The following PCSK6 variants were observed in gnomAD, a reference collection of about 807,000 sequenced individuals.
PCSK6 encodes paired basic amino acid cleaving enzyme 4.
A neutral mutation model predicts 123.3 loss-of-function variants in PCSK6; 85 were observed. That is an observed-to-expected ratio of 0.69 (90% CI 0.58 to 0.83). The LOEUF is 0.83. Ranked by LOEUF, PCSK6 falls within the 40% of genes least tolerant of loss-of-function variation. The pLI is 0.00. For synonymous variants in PCSK6, 508 were observed against 516.0 expected (o/e 0.98, Z 0.21); for missense variants, 1,191 against 1,282.3 (o/e 0.93, Z 1.09).
chr15:101,332,194 GC>G (rs2040385852), intron 13 of PCSK6, among the ~76,000 whole-genome samples, 163 bp from the exon 14 acceptor site: 1 of 152,184 alleles, frequency 6.6e-6, no homozygotes, highest in South Asian at 2.1e-4. Context: ...TATTGCCCAG[GC>G]CACATGCTGC....
chr15:101,367,290 C>G (rs1176491347), intron 12 of PCSK6, among the ~76,000 whole-genome samples: 1 of 152,174 alleles, frequency 6.6e-6, no homozygotes, highest in Non-Finnish European at 1.5e-5. Flanking sequence ...AGGTTTTTTC[C>G]TCTTATTCTT....
chr15:101,374,042 T>C (rs1044028754), intron 11 of PCSK6, among the ~76,000 whole-genome samples: 1 of 152,202 alleles, frequency 6.6e-6, no homozygotes, highest in African/African-American at 2.4e-5. Context: ...AAAACCTGCC[T>C]GGAGACCGTG....
At chr15:101,318,227 G>A (rs1263904339) in intron 19 of PCSK6, 92 bp downstream of exon 19, 1 of 875,294 alleles carries the variant, frequency 1.1e-6, no homozygotes, top group East Asian at 2.7e-5. Context: ...AAATGCAGAA[G>A]CCCACGAAGT....
intron 13 of PCSK6, among the ~76,000 whole-genome samples, chr15:101,362,236 A>T (rs147811676): frequency 6.6e-6 from 1 of 152,174 alleles, no homozygotes. Flanking sequence ...AATTACAGGC[A>T]TGAGCCACCA....
chr15:101,446,601 G>A (rs7402924), intron 1 of PCSK6, among the ~76,000 whole-genome samples: 51,887 of 152,068 alleles, frequency 0.34, 9,707 homozygotes, highest in African/African-American at 0.5. Flanking sequence ...AGAGCTGAGT[G>A]GTTGCAACAG....
At chr15:101,409,252 T>C (rs2042867953) in intron 6 of PCSK6, among the ~76,000 whole-genome samples, 2 of 151,768 alleles carry the variant, frequency 1.3e-5, no homozygotes, top group Non-Finnish European at 1.5e-5. Context: ...GGTCAGGAGA[T>C]CGAGACCATC....
At chr15:101,370,048 C>T (rs368287509) in intron 12 of PCSK6, among the ~76,000 whole-genome samples, 78 of 152,188 alleles carry the variant, frequency 5.1e-4, no homozygotes, top group African/African-American at 1.8e-3. Context: ...CAAATCCCTC[C>T]GCTAAACAAC....
chr15:101,446,738 C>CA (rs1242562163), intron 1 of PCSK6, among the ~76,000 whole-genome samples: 2 of 152,214 alleles, frequency 1.3e-5, no homozygotes, highest in Admixed American at 1.3e-4. Context: ...TCTCTGATGT[C>CA]AAGCAAGGGT....
At chr15:101,449,878 C>G (rs2056988233) in intron 1 of PCSK6, among the ~76,000 whole-genome samples, 1 of 152,136 alleles carries the variant, frequency 6.6e-6, no homozygotes, top group Non-Finnish European at 1.5e-5. Context: ...CCTCTCCCGC[C>G]TAAGGGGGTC....
In PCSK6 at chr15:101,475,144, T is replaced by C. The variant is rs571160840; in HGVS notation, c.297+14230A>G. 2.6e-5 allele frequency among the ~76,000 whole-genome samples: 4 copies of C among 152,310 alleles called. No individual in the cohort carries two copies. In the East Asian group the frequency reaches 7.7e-4, roughly 29 times the overall value. On this transcript the variant is annotated intron_variant, in intron 1 of 21. Coordinates refer to ENST00000611716, the MANE Select transcript of PCSK6 (RefSeq NM_002570.5). ...TCCTAAAACATTTGGACTCCGCCCC[T>C]ATATTCCGTTCACTACTCCTCTCGC...
chr15:101,339,929 A>T (rs1034222735), intron 13 of PCSK6, among the ~76,000 whole-genome samples: 2 of 150,722 alleles, frequency 1.3e-5, no homozygotes, highest in South Asian at 4.2e-4. Context: ...ATATATATAT[A>T]TATAAAATTA....
chr15:101,375,465 C>A (rs2041707837), intron 11 of PCSK6, among the ~76,000 whole-genome samples: 1 of 152,176 alleles, frequency 6.6e-6, no homozygotes, highest in African/African-American at 2.4e-5. Context: ...TTTAAAGATG[C>A]CTTCCAATTC....
chr15:101,443,707 A>C (rs1461363258), intron 1 of PCSK6, 47 bp from the exon 2 acceptor site: 1 of 1,406,126 alleles, frequency 7.1e-7, no homozygotes, highest in East Asian at 2.3e-5. Flanking sequence ...TCTCACGAAC[A>C]GCTTCCAAAA....
chr15:101,477,142 C>T (rs1459018586), intron 1 of PCSK6, among the ~76,000 whole-genome samples: 1 of 152,164 alleles, frequency 6.6e-6, no homozygotes, highest in Non-Finnish European at 1.5e-5. Flanking sequence ...CACTGAGCAG[C>T]CATTACAAGT....
intron 13 of PCSK6, among the ~76,000 whole-genome samples, chr15:101,348,501 G>A (rs1485635950): frequency 1.3e-5 from 2 of 152,194 alleles, no homozygotes; most frequent in Non-Finnish European, 2.9e-5. Flanking sequence ...GTGAGACACC[G>A]TCACAGCACA....
At chr15:101,438,158 G>T (rs140147135) in intron 2 of PCSK6, among the ~76,000 whole-genome samples, 1 of 152,220 alleles carries the variant, frequency 6.6e-6, no homozygotes, top group Non-Finnish European at 1.5e-5. Flanking sequence ...CCCGCATCCT[G>T]TGGGACTTTG....
intron 11 of PCSK6, among the ~76,000 whole-genome samples, chr15:101,372,399 G>GATGTAATTCCC (rs2041612397): frequency 6.6e-6 from 1 of 152,216 alleles, no homozygotes; most frequent in African/African-American, 2.4e-5. Flanking sequence ...TATAAACAGT[G>GATGTAATTCCC]ATGTAATTCC....
chr15:101,332,413 G>C (rs78789838), intron 13 of PCSK6, among the ~76,000 whole-genome samples: 1 of 152,172 alleles, frequency 6.6e-6, no homozygotes, highest in Non-Finnish European at 1.5e-5. Context: ...TTCCCGTCTT[G>C]GGATATCCGG....
intron 1 of PCSK6, among the ~76,000 whole-genome samples, chr15:101,470,150 C>T (rs1232516386): frequency 6.6e-6 from 1 of 152,150 alleles, no homozygotes; most frequent in East Asian, 1.9e-4. Flanking sequence ...GTGCTGGCTG[C>T]CAGAACAAGG....
Sources: gnomAD v4.1 joint callset for allele counts (sites outside exome capture counted in the v4.1 genomes callset) on GRCh38, gnomAD v4.1.1 for gene constraint, MANE v1.5 for transcripts, NCBI Gene and HGNC (gene_info 2026-07-23, HGNC 2026-07-21) for gene names.